PRH1: variants seen among roughly 807,000 people sequenced by gnomAD.
The protein encoded by PRH1 is salivary acidic proline-rich phosphoprotein 1/2.
Under a neutral mutation model 7.9 loss-of-function variants are expected in PRH1, and 7 were observed. The observed-to-expected ratio is 0.89, with a 90% CI of 0.50 to 1.67. The LOEUF (loss-of-function observed/expected upper bound fraction) is 1.67. Among genes scored for constraint, PRH1 ranks in the 40% most tolerant of loss-of-function variants. The pLI, the probability that PRH1 is intolerant of heterozygous loss-of-function variation, is 0.00. For synonymous variants in PRH1, 45 were observed against 80.8 expected (o/e 0.56, Z 2.38); for missense variants, 109 against 223.6 (o/e 0.49, Z 3.27).
intron 1 of PRH1, among the ~76,000 whole-genome samples, chr12:11,089,048 A>T (rs572283510): frequency 8.6e-6 from 1 of 116,468 alleles, no homozygotes; most frequent in African/African-American, 2.9e-5. Context: ...ATGCTCATAA[A>T]GCCAGCCATG....
At chr12:11,045,086 A>T (rs1942856022) in intron 1 of PRH1, among the ~76,000 whole-genome samples, 1 of 152,200 alleles carries the variant, frequency 6.6e-6, no homozygotes, top group African/African-American at 2.4e-5. Flanking sequence ...ATAGATAAAG[A>T]TAATATGGTA....
intron 2 of PRH1, among the ~76,000 whole-genome samples, chr12:10,893,641 A>C (rs1056819562): frequency 8.5e-5 from 13 of 152,298 alleles, no homozygotes; most frequent in African/African-American, 3.1e-4. Context: ...AATTTTATTC[A>C]CACATTTAAA....
intron 1 of PRH1, among the ~76,000 whole-genome samples, chr12:10,984,641 A>C (rs1337997223): frequency 6.6e-6 from 1 of 152,088 alleles, no homozygotes; most frequent in Non-Finnish European, 1.5e-5. Context: ...ATAAACAAAC[A>C]AATAACTAAA....
intron 2 of PRH1, among the ~76,000 whole-genome samples, chr12:10,925,572 A>C (rs1950112404): frequency 6.6e-6 from 1 of 152,210 alleles, no homozygotes; most frequent in Non-Finnish European, 1.5e-5. Context: ...AAAACGAATA[A>C]ATTTGTATGA....
At chr12:10,912,233 C>T (rs191956578) in intron 2 of PRH1, among the ~76,000 whole-genome samples, 102 of 152,130 alleles carry the variant, frequency 6.7e-4, no homozygotes, top group Non-Finnish European at 1.0e-3. Context: ...GATGATGCTA[C>T]GAACATTCTT....
chr12:11,003,911 T>G (rs1259652382), intron 1 of PRH1, among the ~76,000 whole-genome samples: 4 of 152,098 alleles, frequency 2.6e-5, no homozygotes, highest in African/African-American at 7.2e-5. Flanking sequence ...TATAGCATTC[T>G]GTAAGTATGT....
intron 1 of PRH1, among the ~76,000 whole-genome samples, chr12:11,023,387 A>T (rs1212222562): frequency 6.6e-6 from 1 of 152,134 alleles, no homozygotes; most frequent in Non-Finnish European, 1.5e-5. Flanking sequence ...TTTATCAAAC[A>T]TGTTTCTCAA....
chr12:10,887,657 G>T (rs1949512215), upstream of PRH1, among the ~76,000 whole-genome samples: 2 of 150,974 alleles, frequency 1.3e-5, no homozygotes, highest in Non-Finnish European at 2.9e-5. Flanking sequence ...AAGTAGCTGG[G>T]ATTACAGGTC....
chr12:11,030,990 G>A (rs770943417), intron 1 of PRH1: 10 of 1,614,300 alleles, frequency 6.2e-6, no homozygotes, highest in Middle Eastern at 3.3e-4. Flanking sequence ...AGAAAAATAA[G>A]GTTGGAGAAA....
chr12:10,913,488 T>G lies in PRH1; in HGVS notation c.-58-29213A>C, dbSNP rs1949930491. Among the ~76,000 whole-genome samples the G allele has an allele frequency of 2.0e-5, 3 of 152,170 alleles. No homozygotes were observed. The South Asian group carries it at 6.2e-4, about 31-fold the overall frequency. ...AAAATCTATTTAGTATATATTAAAA[T>G]GATTACATTAGCTTATTTTTGTTAG... On this transcript the variant is annotated intron_variant, in intron 2 of 3. Transcript: ENST00000539853.
chr12:10,946,375 G>A (rs1018660217), intron 2 of PRH1, among the ~76,000 whole-genome samples: 1 of 151,950 alleles, frequency 6.6e-6, no homozygotes, highest in African/African-American at 2.4e-5. Context: ...AGCAGGGAGG[G>A]TGTATGTGTC....
chr12:11,128,828 T>G (rs907644546), intron 1 of PRH1, among the ~76,000 whole-genome samples: 6 of 152,250 alleles, frequency 3.9e-5, no homozygotes, highest in Admixed American at 6.5e-5. Context: ...TGTAACTACT[T>G]TCAATTTTAC....
intron 1 of PRH1, among the ~76,000 whole-genome samples, chr12:11,169,255 C>T (rs1325662703): frequency 1.3e-5 from 2 of 152,172 alleles, no homozygotes; most frequent in Non-Finnish European, 2.9e-5. Context: ...TCACCCTCAG[C>T]AAAAGAAGTG....
At chr12:10,963,357 A>C (rs1459413280) in intron 2 of PRH1, among the ~76,000 whole-genome samples, 2 of 152,214 alleles carry the variant, frequency 1.3e-5, no homozygotes, top group Admixed American at 1.3e-4. Context: ...TCATCAATAC[A>C]TAGATGTCAT....
chr12:10,914,427 C>T (rs1949944622), intron 2 of PRH1, among the ~76,000 whole-genome samples: 1 of 152,142 alleles, frequency 6.6e-6, no homozygotes, highest in Non-Finnish European at 1.5e-5. Context: ...AGGAAGATTA[C>T]ATAATTGTTT....
chr12:11,094,486 T>C (rs1270684370), intron 1 of PRH1, among the ~76,000 whole-genome samples: 1 of 111,774 alleles, frequency 8.9e-6, no homozygotes, highest in African/African-American at 3.0e-5. Context: ...AAAGAAAAAA[T>C]AGATGGGGAA....
At chr12:11,074,974 A>G (rs1276196728) in intron 1 of PRH1, among the ~76,000 whole-genome samples, 1 of 151,572 alleles carries the variant, frequency 6.6e-6, no homozygotes, top group Non-Finnish European at 1.5e-5. Context: ...CGGCAAAGTC[A>G]TGTCAACATC....
rs1298064108 is a variant in PRH1 at position 11,093,203 on chromosome 12, T to C, written n.124-46015A>G. Among the ~76,000 whole-genome samples the C allele has an allele frequency of 1.7e-5, 2 of 116,098 alleles. 1 individual carries two copies. Among genetic ancestry groups the C allele is most frequent in the Non-Finnish European group, 4.1e-5 (2 of 49,168 alleles). 76.2% of individuals were successfully genotyped at this position (116,098 alleles called of 152,430 possible). ...TAAATTCTCAAAGGGAGCTTGGTCATAACTAAGATCATCACCAATGCGGAC... is the reference window on the plus strand; with the variant it reads ...TAAATTCTCAAAGGGAGCTTGGTCACAACTAAGATCATCACCAATGCGGAC... On this transcript the variant is annotated intron_variant and non_coding_transcript_variant, in intron 1 of 4. Transcript: ENST00000541977.
chr12:10,955,880 A>C (rs1257912039), intron 2 of PRH1, among the ~76,000 whole-genome samples: 1 of 152,114 alleles, frequency 6.6e-6, no homozygotes, highest in Non-Finnish European at 1.5e-5. Context: ...TGAATCAGTA[A>C]GAAATTGAAT....
Sources: allele counts gnomAD v4.1 joint callset (sites outside exome capture counted in the v4.1 genomes callset), GRCh38; gene constraint gnomAD v4.1.1; transcripts MANE v1.5; gene names NCBI Gene and HGNC (gene_info 2026-07-23, HGNC 2026-07-21).